Variants in SERGEF observed in about 807,000 individuals in gnomAD.
SERGEF encodes the protein secretion regulating guanine nucleotide exchange factor, also known as secretion-regulating guanine nucleotide exchange factor.
SERGEF carries 51 observed loss-of-function variants against 50.0 expected under a neutral mutation model. The observed-to-expected ratio is 1.02, with a 90% CI of 0.81 to 1.29. SERGEF has a LOEUF of 1.29. SERGEF is among the 50% of genes most tolerant of loss of function. The pLI is 0.00. For synonymous variants in SERGEF, 205 were observed against 212.4 expected (o/e 0.97, Z 0.30); for missense variants, 521 against 557.0 (o/e 0.94, Z 0.65).
intron 10 of SERGEF, among the ~76,000 whole-genome samples, chr11:17,828,122 C>T (rs1251398446): frequency 1.3e-5 from 2 of 152,188 alleles, no homozygotes; most frequent in Non-Finnish European, 2.9e-5. Flanking sequence ...CCCGTATCTA[C>T]TGTGTGCTGC....
At chr11:17,862,870 T>C (rs773105851) in intron 10 of SERGEF, among the ~76,000 whole-genome samples, 6 of 152,338 alleles carry the variant, frequency 3.9e-5, no homozygotes, top group Middle Eastern at 3.4e-3. Context: ...TGCTATGCTA[T>C]GGTAGATAAG....
chr11:17,899,505 CA>C (rs1357084187), intron 9 of SERGEF, among the ~76,000 whole-genome samples: 2 of 152,150 alleles, frequency 1.3e-5, no homozygotes, highest in African/African-American at 4.8e-5. Flanking sequence ...AAATCTACAC[CA>C]AAGGTGTACC....
At chr11:17,919,301 A>C (rs950417735) in intron 9 of SERGEF, among the ~76,000 whole-genome samples, 22 of 152,296 alleles carry the variant, frequency 1.4e-4, no homozygotes, top group African/African-American at 5.3e-4. Context: ...ATGGCCTGAA[A>C]AGGAAAGGGT....
intron 9 of SERGEF, among the ~76,000 whole-genome samples, chr11:17,923,134 TC>T (rs1396147802): frequency 6.6e-6 from 1 of 152,214 alleles, no homozygotes; most frequent in Non-Finnish European, 1.5e-5. Flanking sequence ...TGTTTCCCTG[TC>T]CCTGCAACCT....
chr11:18,005,108 C>G (rs971916349), intron 3 of SERGEF, among the ~76,000 whole-genome samples: 7 of 152,296 alleles, frequency 4.6e-5, no homozygotes, highest in African/African-American at 1.7e-4. Flanking sequence ...TCCAATTTAG[C>G]CTTTACCAGT....
At chr11:17,957,540 C>A (rs546179771) in intron 9 of SERGEF, among the ~76,000 whole-genome samples, 6 of 152,258 alleles carry the variant, frequency 3.9e-5, no homozygotes, top group Admixed American at 3.9e-4. Context: ...GCTCTCAGCA[C>A]CTTAACTCAC....
intron 9 of SERGEF, among the ~76,000 whole-genome samples, chr11:17,901,116 A>T (rs1415540193): frequency 6.6e-6 from 1 of 151,702 alleles, no homozygotes; most frequent in Non-Finnish European, 1.5e-5. Flanking sequence ...GTTACCTCAG[A>T]ATCACCTCCT....
intron 10 of SERGEF, among the ~76,000 whole-genome samples, chr11:17,842,052 T>C (rs1565182464): frequency 6.6e-6 from 1 of 152,186 alleles, no homozygotes. Flanking sequence ...TATCCTAGTC[T>C]GTAATTTTGC....
chr11:17,916,886 T>C lies in SERGEF; in HGVS notation c.1012-38642A>G, dbSNP rs181439941. Among the ~76,000 whole-genome samples, 657 of 152,326 alleles carry C rather than the reference T, an allele frequency of 4.3e-3. 1 individual carries two copies. The highest frequency in any genetic ancestry group is 6.2e-3 in the Non-Finnish European group (424 of 68,036). The stretch of plus-strand genomic sequence containing the variant: ...ACAACGGTTCTCAAAGTGTGGTCCC[T>C]AAATCAGTAGCATCAGCATTATCTG... On this transcript the variant is annotated intron_variant, in intron 9 of 10. Coordinates refer to ENST00000265965, the MANE Select transcript of SERGEF (RefSeq NM_012139.4).
At chr11:17,794,391 A>G (rs139993386) in intron 10 of SERGEF, among the ~76,000 whole-genome samples, 2 of 152,134 alleles carry the variant, frequency 1.3e-5, no homozygotes, top group Admixed American at 1.3e-4. Context: ...GTTTCATAAA[A>G]ATGTCACCTT....
intron 3 of SERGEF, among the ~76,000 whole-genome samples, chr11:18,006,051 A>G (rs1479807117): frequency 6.6e-6 from 1 of 152,258 alleles, no homozygotes; most frequent in Non-Finnish European, 1.5e-5. Context: ...CTCTCTGACA[A>G]AAGTTTTCCA....
At position 17,988,787 on chromosome 11, in the gene SERGEF, G is replaced by A. The variant is rs144920643; in HGVS notation, c.686-32C>T. 957 of 1,601,758 alleles carry A rather than the reference G, an allele frequency of 6.0e-4. 7 individuals carry two copies. The African/African-American group carries it at 0.011, about 19-fold the overall frequency. On this transcript the variant is annotated intron_variant, in intron 7 of 10. Coordinates refer to ENST00000265965, the MANE Select transcript of SERGEF (RefSeq NM_012139.4). ...CAAACAGAAGGGTAACAAAAGAGGT[G>A]AGGGAACATTAGTCCAAAATGATGG...
At chr11:17,974,814 A>G (rs1405667580) in intron 8 of SERGEF, among the ~76,000 whole-genome samples, 2 of 152,348 alleles carry the variant, frequency 1.3e-5, no homozygotes, top group Middle Eastern at 3.4e-3. Context: ...AAGAAAGTTT[A>G]CCCTGATATT....
At chr11:17,837,636 C>A (rs1327959313) in intron 10 of SERGEF, among the ~76,000 whole-genome samples, 3 of 150,140 alleles carry the variant, frequency 2.0e-5, no homozygotes, top group Non-Finnish European at 4.4e-5. Context: ...GCCTGCAGAA[C>A]TATAAGCCAA....
chr11:17,824,696 G>A (rs762832421), intron 10 of SERGEF, among the ~76,000 whole-genome samples: 2 of 152,144 alleles, frequency 1.3e-5, no homozygotes, highest in African/African-American at 2.4e-5. Context: ...GTCCTCACAT[G>A]GCCTTTCCTC....
At chr11:17,913,667 A>G (rs949258907) in intron 9 of SERGEF, among the ~76,000 whole-genome samples, 3 of 152,196 alleles carry the variant, frequency 2.0e-5, no homozygotes, top group African/African-American at 7.2e-5. Context: ...ATGCACAGGA[A>G]AAAGCTAGGC....
chr11:17,924,730 A>G (rs1242055202), intron 9 of SERGEF, among the ~76,000 whole-genome samples: 2 of 152,118 alleles, frequency 1.3e-5, no homozygotes, highest in Non-Finnish European at 2.9e-5. Context: ...CCAGCTCAAG[A>G]AGTTAGGTAG....
chr11:17,789,276 T>C (rs1272709912), intron 10 of SERGEF, among the ~76,000 whole-genome samples: 2 of 152,184 alleles, frequency 1.3e-5, no homozygotes, highest in Non-Finnish European at 2.9e-5. Context: ...TAGTGAGGGA[T>C]GATTTGTGTG....
chr11:17,911,184 A>G (rs1851944951), intron 9 of SERGEF, among the ~76,000 whole-genome samples: 1 of 151,848 alleles, frequency 6.6e-6, no homozygotes, highest in Non-Finnish European at 1.5e-5. Context: ...CAATATGGTA[A>G]ATTACTGTTA....
Sources: gnomAD v4.1 joint callset for allele counts (sites outside exome capture counted in the v4.1 genomes callset) on GRCh38, gnomAD v4.1.1 for gene constraint, MANE v1.5 for transcripts, NCBI Gene and HGNC (gene_info 2026-07-23, HGNC 2026-07-21) for gene names.